ZNF16: variants seen among roughly 807,000 people sequenced by gnomAD.
ZNF16 encodes zinc finger protein KOX9.
Under a neutral mutation model 9.0 loss-of-function variants are expected in ZNF16, and 7 were observed. The ratio of observed to expected loss-of-function variants is 0.78; its 90% CI spans 0.44 to 1.47. The LOEUF (loss-of-function observed/expected upper bound fraction) is 1.47, where lower values mean the gene tolerates loss of function less well. ZNF16 is among the 40% of genes most tolerant of loss of function. ZNF16 has a pLI of 0.01. For missense variants in ZNF16, 830 were observed against 854.2 expected, an observed-to-expected ratio of 0.97 and a Z score of 0.35; for synonymous variants, 312 against 301.5, an observed-to-expected ratio of 1.03 and a Z score of -0.36.
intron 1 of ZNF16, among the ~76,000 whole-genome samples, chr8:144,947,311 C>T (rs370176733): frequency 2.2e-3 from 64 of 29,448 alleles, no homozygotes; most frequent in Admixed American, 5.5e-3. Context: ...CGGGCCTGTA[C>T]CCTGCTGCGG....
In ZNF16 at chr8:144,946,031, CAGA is replaced by C. The variant is rs748651399; in HGVS notation, c.173_175del (p.Ile58_Cys59delinsSer). The C allele has an allele frequency of 6.2e-7, 1 of 1,613,764 alleles. No homozygotes were observed. Among genetic ancestry groups the C allele is most frequent in the Non-Finnish European group, 8.5e-7 (1 of 1,179,788 alleles). ...AGTACCTGGCTGCTGATAGTGAGGG[CAGA>C]TGGCTTCCAGCTCAGTATCACTACA... On this transcript the variant is annotated inframe_deletion, in exon 2 of 3. Coordinates refer to ENST00000394909, the MANE Select transcript of ZNF16 (RefSeq NM_006958.3).
intron 2 of ZNF16, among the ~76,000 whole-genome samples, chr8:144,934,733 G>A (rs547726156): frequency 6.6e-6 from 1 of 152,288 alleles, no homozygotes; most frequent in East Asian, 1.9e-4. Context: ...GAAGGATGAA[G>A]AAGGCTCTGG....
intron 2 of ZNF16, among the ~76,000 whole-genome samples, chr8:144,936,063 T>C (rs1484891373): frequency 1.3e-5 from 2 of 152,200 alleles, no homozygotes; most frequent in African/African-American, 4.8e-5. Context: ...CTCTTACCCA[T>C]TAAGCAGTTT....
rs1361248348 is a variant in ZNF16 at position 144,932,358 on chromosome 8, GAGCCCCATGGC to G, written c.418_428del (p.Ala140ProfsTer2). On this transcript the variant is annotated frameshift_variant, in exon 3 of 3. Coordinates refer to ENST00000394909, the MANE Select transcript of ZNF16 (RefSeq NM_006958.3). LOFTEE classifies it low-confidence loss of function (END_TRUNC). This position sits in a 1 kb window ranked among gnomAD's most constrained non-coding sequence, Gnocchi z 5.0. ...CTTTCTCCCCTAAGGGGCCCCTAAG[GAGCCCCATGGC>G]AGCTGGTGTGAAGTCCCCCTCCTGG... 6.2e-7 allele frequency: 1 copy of G among 1,614,022 alleles called. No individual in the cohort carries two copies. Among genetic ancestry groups the G allele is most frequent in the South Asian group, 1.1e-5 (1 of 91,086 alleles).
chr8:144,946,356 G>T, intron 1 of ZNF16, 141 bp from the exon 2 acceptor site: 2 of 792,524 alleles, frequency 2.5e-6, no homozygotes, highest in Non-Finnish European at 3.6e-6. Flanking sequence ...CTCAGGGGCT[G>T]ATGCTGTGTT....
At chr8:144,947,226 TGGGCTTGTGTCCTGCTGTG>T (rs1563926382) in intron 1 of ZNF16, among the ~76,000 whole-genome samples, 2 of 135,526 alleles carry the variant, frequency 1.5e-5, no homozygotes, top group African/African-American at 6.2e-5. Flanking sequence ...GTCCTGCTGT[TGGGCTTGTGTCCTGCTGTG>T]GGGCCTGTGT....
Position 144,932,032 on chromosome 8 carries a change from A to G in ZNF16, c.755T>C (p.Leu252Pro). The G allele has an allele frequency of 6.2e-7, 1 of 1,614,176 alleles. No homozygotes were observed. Residue 252 changes from leucine to proline, a missense_variant, in exon 3 of 3, where the codon CTT becomes CCT. Leu to Pro is a moderately conservative substitution (Grantham distance 98, BLOSUM62 -3). Transcript: ENST00000394909. The surrounding 1 kb of genome is among the most constrained non-coding windows in gnomAD (Gnocchi z 5.0). Reference sequence around the variant, plus strand: ...CATATGAGATCGATGACGGTTTTTAAGAACTGAGTTCTGGCTGAAGGTTTT... The same window carrying G: ...CATATGAGATCGATGACGGTTTTTAGGAACTGAGTTCTGGCTGAAGGTTTT... ...CGKTFSQNSV[L>P]KNRHRSHMSE...
chr8:144,947,699 G>A (rs1833998457), intron 1 of ZNF16, among the ~76,000 whole-genome samples: 1 of 152,150 alleles, frequency 6.6e-6, no homozygotes, highest in East Asian at 1.9e-4. Context: ...GCACCCCAGT[G>A]TGCACTTCTG....
At chr8:144,946,918 T>TG (rs1833962745) in intron 1 of ZNF16, among the ~76,000 whole-genome samples, 1 of 113,784 alleles carries the variant, frequency 8.8e-6, no homozygotes, top group African/African-American at 4.1e-5. Flanking sequence ...TACCCTGCTG[T>TG]GGGCCATACC....
intron 2 of ZNF16, 126 bp downstream of exon 2, chr8:144,945,885 A>C: frequency 6.8e-7 from 1 of 1,468,540 alleles, no homozygotes; most frequent in South Asian, 1.4e-5. Context: ...TGGCTCCTTG[A>C]GTCAGAGTAC....
In ZNF16 at chr8:144,932,967, C is replaced by A. The variant is rs1023482987; in HGVS notation, c.197-377G>T. Among the ~76,000 whole-genome samples the A allele has an allele frequency of 6.6e-6, 1 of 152,192 alleles. No homozygotes were observed. The highest frequency in any genetic ancestry group is 1.5e-5 in the Non-Finnish European group (1 of 68,038). On this transcript the variant is annotated intron_variant, in intron 2 of 2. Coordinates refer to ENST00000394909, the MANE Select transcript of ZNF16 (RefSeq NM_006958.3). The surrounding 1 kb of genome is among the most constrained non-coding windows in gnomAD (Gnocchi z 5.0). ...GTCAGCTCTACCTCAGAGTGCAGCCCAAATCCAGGTGCTTCTCACTTCTCC... is the reference window on the plus strand; with the variant it reads ...GTCAGCTCTACCTCAGAGTGCAGCCAAAATCCAGGTGCTTCTCACTTCTCC...
chr8:144,949,689 G>GT (rs781210775), intron 1 of ZNF16, among the ~76,000 whole-genome samples: 133 of 152,328 alleles, frequency 8.7e-4, no homozygotes, highest in Admixed American at 3.4e-3. Context: ...TTTACAAGCA[G>GT]ATGCTTGGTA....
chr8:144,949,473 CTG>C (rs1491367987), intron 1 of ZNF16, among the ~76,000 whole-genome samples: 1 of 152,220 alleles, frequency 6.6e-6, no homozygotes, highest in Non-Finnish European at 1.5e-5. Context: ...AAAGATCAGA[CTG>C]TTACTGTGTC....
chr8:144,947,193 CTGTGTCCTGCTGTTGGGCT>C (rs1586961246), intron 1 of ZNF16, among the ~76,000 whole-genome samples: 53 of 138,948 alleles, frequency 3.8e-4, no homozygotes, highest in South Asian at 1.6e-3. Flanking sequence ...TGCTGTGGGC[CTGTGTCCTGCTGTTGGGCT>C]TGTGTCCTGC....
At chr8:144,946,539 T>C (rs796252324) in intron 1 of ZNF16, among the ~76,000 whole-genome samples, 19,575 of 123,414 alleles carry the variant, frequency 0.16, 1,710 homozygotes, top group East Asian at 0.26. Context: ...CTGTGGGGCC[T>C]GTGTACTGCT....
At chr8:144,947,072 A>G (rs1190244486) in intron 1 of ZNF16, among the ~76,000 whole-genome samples, 10 of 85,990 alleles carry the variant, frequency 1.2e-4, no homozygotes, top group African/African-American at 4.0e-4. Context: ...GTGGGCCTGT[A>G]CCCTACTGTG....
intron 1 of ZNF16, among the ~76,000 whole-genome samples, chr8:144,948,853 G>A (rs1834023155): frequency 6.6e-6 from 1 of 152,194 alleles, no homozygotes; most frequent in Non-Finnish European, 1.5e-5. Flanking sequence ...CCTGGAACTT[G>A]TGCTTATGTT....
chr8:144,936,898 T>C (rs1360110582), intron 2 of ZNF16, among the ~76,000 whole-genome samples: 2 of 152,098 alleles, frequency 1.3e-5, no homozygotes, highest in African/African-American at 4.8e-5. Context: ...TTTCATCACG[T>C]TGGCCAGCAT....
Position 144,930,587 on chromosome 8 carries a change from CA to C in ZNF16, c.*150del, listed in dbSNP as rs1833498629. On this transcript the variant is annotated 3_prime_UTR_variant, in exon 3 of 3. Transcript: ENST00000394909. ...AGAAGGGAGCCTGTAAAGGATGTTT[CA>C]AAGGAGGGTCCCAGGCTATGTGGCC... 1.2e-6 allele frequency: 1 copy of C among 802,920 alleles called. No individual in the cohort carries two copies. The allele number at this position is 802,920 out of a possible 1,614,324, so 49.7% of individuals were successfully genotyped here.
Sources: allele counts gnomAD v4.1 joint callset (sites outside exome capture counted in the v4.1 genomes callset), GRCh38; gene constraint gnomAD v4.1.1; non-coding constraint Gnocchi (gnomAD v3.1); transcripts MANE v1.5; gene names NCBI Gene and HGNC (gene_info 2026-07-23, HGNC 2026-07-21).